Variants in RASSF3 observed in about 807,000 individuals in gnomAD.
RASSF3 encodes ras association domain-containing protein 3.
RASSF3 carries 19 observed loss-of-function variants against 19.9 expected under a neutral mutation model. The ratio of observed to expected loss-of-function variants is 0.96; its 90% CI spans 0.67 to 1.40. RASSF3 has a LOEUF of 1.40. RASSF3 is among the 40% of genes most tolerant of loss of function. The pLI, the probability that RASSF3 is intolerant of heterozygous loss-of-function variation, is 0.00. For missense variants in RASSF3, 306 were observed against 289.8 expected (o/e 1.06, Z -0.41); for synonymous variants, 110 against 104.2 (o/e 1.06, Z -0.34).
Position 64,585,392 on chromosome 12 carries a change from T to C in RASSF3, c.294+43687T>C, listed in dbSNP as rs73317600. 3.4e-3 allele frequency among the ~76,000 whole-genome samples: 523 copies of C among 152,200 alleles called. 1 individual carries two copies. The highest frequency in any genetic ancestry group is 0.012 in the African/African-American group (489 of 41,534). ...CCAAAGGGGATTTCTTGGGCAATCA[T>C]TGAAAAATCCAAGACCATAAAGATT... On this transcript the variant is annotated intron_variant, in intron 2 of 5. Transcript: ENST00000637125.
At chr12:64,573,903 C>G (rs1478655770) in intron 2 of RASSF3, among the ~76,000 whole-genome samples, 1 of 152,166 alleles carries the variant, frequency 6.6e-6, no homozygotes, top group East Asian at 1.9e-4. Flanking sequence ...GATCACCCCA[C>G]AGGCTGCCCA....
chr12:64,689,245 G>A (rs1470854767), intron 3 of RASSF3, among the ~76,000 whole-genome samples: 1 of 151,452 alleles, frequency 6.6e-6, no homozygotes, highest in Non-Finnish European at 1.5e-5. Context: ...GTGTGTGTGT[G>A]TACAATAAAC....
At chr12:64,639,538 G>A (rs768812006) in intron 1 of RASSF3, among the ~76,000 whole-genome samples, 44 of 152,100 alleles carry the variant, frequency 2.9e-4, no homozygotes, top group Non-Finnish European at 5.0e-4. Context: ...AAGTAGAAAG[G>A]ATCAGGTGCC....
intron 2 of RASSF3, among the ~76,000 whole-genome samples, chr12:64,687,114 C>T (rs1239456249): frequency 1.3e-5 from 2 of 151,870 alleles, no homozygotes; most frequent in Non-Finnish European, 2.9e-5. Flanking sequence ...CTGCCTCAGC[C>T]TCCCGAGTAG....
chr12:64,616,118 T>C (rs1870543523), intron 1 of RASSF3, among the ~76,000 whole-genome samples: 1 of 152,242 alleles, frequency 6.6e-6, no homozygotes, highest in Non-Finnish European at 1.5e-5. Context: ...TATTAATCCA[T>C]TGGAATTTTG....
chr12:64,662,250 A>G (rs887032834), intron 1 of RASSF3, among the ~76,000 whole-genome samples: 3 of 85,490 alleles, frequency 3.5e-5, no homozygotes, highest in Non-Finnish European at 5.4e-5. Context: ...GAAACCCCGT[A>G]TCTACAAAAA....
intron 2 of RASSF3, among the ~76,000 whole-genome samples, chr12:64,570,085 G>C (rs1005476881): frequency 6.6e-6 from 1 of 152,118 alleles, no homozygotes; most frequent in African/African-American, 2.4e-5. Flanking sequence ...AACAACTGTG[G>C]CTCACTCTAC....
At chr12:64,599,754 C>T (rs1392011489) in intron 2 of RASSF3, among the ~76,000 whole-genome samples, 1 of 152,128 alleles carries the variant, frequency 6.6e-6, no homozygotes, top group Non-Finnish European at 1.5e-5. Flanking sequence ...CCTGATAAGC[C>T]GGGCGCGGTG....
At chr12:64,550,632 A>G (rs11175444) in intron 2 of RASSF3, among the ~76,000 whole-genome samples, 74,210 of 151,330 alleles carry the variant, frequency 0.49, 18,768 homozygotes, top group East Asian at 0.72. Flanking sequence ...TCCAGCTTGG[A>G]CAACAGAGCA....
At chr12:64,641,414 A>ACACACACACACACACACACACGCG in intron 1 of RASSF3, among the ~76,000 whole-genome samples, 12 of 142,098 alleles carry the variant, frequency 8.4e-5, no homozygotes, top group African/African-American at 2.8e-4. Context: ...ACACACACAC[A>ACACACACACACACACACACACGCG]CGCGCGCGCG....
intron 1 of RASSF3, among the ~76,000 whole-genome samples, chr12:64,512,772 T>C (rs1868336505): frequency 6.6e-6 from 1 of 152,218 alleles, no homozygotes; most frequent in Admixed American, 6.5e-5. Flanking sequence ...CCTTTTATTC[T>C]GAGGCACTGC....
chr12:64,664,223 G>A (rs556766538), intron 1 of RASSF3, among the ~76,000 whole-genome samples: 1 of 152,068 alleles, frequency 6.6e-6, no homozygotes, highest in Admixed American at 6.6e-5. Flanking sequence ...TACTATGAAG[G>A]TACAGAGAAT....
intron 1 of RASSF3, among the ~76,000 whole-genome samples, chr12:64,684,373 C>T (rs1409520267): frequency 3.3e-5 from 5 of 151,410 alleles, no homozygotes; most frequent in Admixed American, 6.6e-5. Context: ...CTTCCACCAC[C>T]GTGCCCGGCC....
rs773809331 is a variant in RASSF3, at chr12:64,691,456, G to C, written c.458-14G>C. ...CTGAATACTCTGTAACATGCTGCTT[G>C]TTTCTTTACCCAGTCTACGCCTGCA... On this transcript the variant is annotated splice_polypyrimidine_tract_variant and intron_variant, in intron 3 of 4. Coordinates refer to ENST00000542104, the MANE Select transcript of RASSF3 (RefSeq NM_178169.4). 2 of 1,570,818 alleles carry C rather than the reference G, an allele frequency of 1.3e-6. No individual in the cohort carries two copies. Among genetic ancestry groups the C allele is most frequent in the South Asian group, 2.2e-5 (2 of 90,020 alleles).
chr12:64,690,700 G>A (rs1868267875), intron 3 of RASSF3, among the ~76,000 whole-genome samples: 1 of 150,588 alleles, frequency 6.6e-6, no homozygotes. Flanking sequence ...TGCCCTGGCT[G>A]GTCTCGAACT....
chr12:64,673,749 A>G (rs1872780795), intron 1 of RASSF3, among the ~76,000 whole-genome samples: 1 of 152,040 alleles, frequency 6.6e-6, no homozygotes, highest in African/African-American at 2.4e-5. Context: ...CCAGTTGTGA[A>G]ATATATCACG....
intron 1 of RASSF3, chr12:64,507,373 TG>T (rs369649319): frequency 2.5e-4 from 100 of 395,488 alleles, no homozygotes; most frequent in East Asian, 1.4e-3. Flanking sequence ...TCCGTTTTTT[TG>T]TGTGTGTGTG....
At chr12:64,672,167 T>A (rs958839905) in intron 1 of RASSF3, among the ~76,000 whole-genome samples, 4 of 152,214 alleles carry the variant, frequency 2.6e-5, no homozygotes, top group African/African-American at 7.2e-5. Flanking sequence ...CCCAAGCATT[T>A]ATCATTTGTA....
Position 64,579,390 on chromosome 12 carries a change from C to T in RASSF3, c.294+37685C>T, listed in dbSNP as rs536140048. 1.4e-4 allele frequency among the ~76,000 whole-genome samples: 17 copies of T among 123,828 alleles called. 1 individual carries two copies. In the South Asian group the frequency reaches 2.3e-3, roughly 17 times the overall value. The allele number at this position is 123,828 out of a possible 152,430, so 81.2% of individuals were successfully genotyped here. On this transcript the variant is annotated intron_variant, in intron 2 of 5. Transcript: ENST00000637125. ...TGAGACGGAGTCTCTCTCTGTCTGT[C>T]GCCCAGGCTGGAGTGCCGTGGCGCG...
Sources: allele counts gnomAD v4.1 joint callset (sites outside exome capture counted in the v4.1 genomes callset), GRCh38; gene constraint gnomAD v4.1.1; transcripts MANE v1.5; gene names NCBI Gene and HGNC (gene_info 2026-07-23, HGNC 2026-07-21).